DAB2IP: variants seen among roughly 807,000 people sequenced by gnomAD.
DAB2IP encodes the protein disabled homolog 2-interacting protein.
A neutral mutation model predicts 107.2 loss-of-function variants in DAB2IP; 28 were observed. That is an observed-to-expected ratio of 0.26 (90% CI 0.19 to 0.36). The LOEUF (loss-of-function observed/expected upper bound fraction) is 0.36. Among genes scored for constraint, DAB2IP ranks in the 10% least tolerant of loss-of-function variants. The probability of loss-of-function intolerance (pLI) is 1.00; values close to 1 mark genes in which losing one functional copy is unlikely to be tolerated. For missense variants in DAB2IP, 1,400 were observed against 1,644.7 expected (o/e 0.85, Z 2.57); for synonymous variants, 755 against 706.4 (o/e 1.07, Z -1.09).
chr9:121,686,618 C>G (rs1306281647), intron 2 of DAB2IP, among the ~76,000 whole-genome samples: 2 of 152,194 alleles, frequency 1.3e-5, no homozygotes, highest in East Asian at 1.9e-4. Flanking sequence ...GTCCCCCCAA[C>G]CCAGGGATGA....
chr9:121,580,937 A>G, intron 1 of DAB2IP, among the ~76,000 whole-genome samples: 1 of 152,100 alleles, frequency 6.6e-6, no homozygotes, highest in East Asian at 1.9e-4. Flanking sequence ...CCATCTAAGA[A>G]CTTTGAGTGA....
At chr9:121,722,818 A>G (rs1242262160) in intron 3 of DAB2IP, among the ~76,000 whole-genome samples, 3 of 152,204 alleles carry the variant, frequency 2.0e-5, no homozygotes, top group East Asian at 1.9e-4. Context: ...TCAAAACAAG[A>G]TAAGTTAAAA....
intron 1 of DAB2IP, among the ~76,000 whole-genome samples, chr9:121,570,986 C>A (rs1326773045): frequency 6.6e-6 from 1 of 152,006 alleles, no homozygotes; most frequent in Non-Finnish European, 1.5e-5. Context: ...TGATTGAACT[C>A]TTCCTCCTTC....
At chr9:121,706,866 C>T (rs1338257015) in intron 3 of DAB2IP, among the ~76,000 whole-genome samples, 1 of 152,214 alleles carries the variant, frequency 6.6e-6, no homozygotes, top group Non-Finnish European at 1.5e-5. Context: ...CAGCAGATAT[C>T]CCCTCTGGGC....
At chr9:121,751,990 G>A in intron 3 of DAB2IP, 1 of 985,498 alleles carries the variant, frequency 1.0e-6, no homozygotes, top group Non-Finnish European at 1.2e-6. Context: ...CAGGTAAAGG[G>A]TCTCTAGTCC....
At position 121,763,986 on chromosome 9, in the gene DAB2IP, G is replaced by A. The variant is rs865863985; in HGVS notation, c.1460+107G>A. The A allele has an allele frequency of 2.0e-5, 30 of 1,478,294 alleles. No homozygotes were observed. In the East Asian group the frequency reaches 2.5e-4, roughly 12 times the overall value. 91.6% of individuals were successfully genotyped at this position (1,478,294 alleles called of 1,614,324 possible). ...TGCTGCCTGGCCCCTGAGTTGTACT[G>A]ACTTGCCAGTCCCCTGGCCTAGTCC... On this transcript the variant is annotated intron_variant, in intron 8 of 15. Transcript: ENST00000408936.
intron 3 of DAB2IP, among the ~76,000 whole-genome samples, chr9:121,748,745 C>T (rs1286306293): frequency 6.6e-6 from 1 of 152,242 alleles, no homozygotes; most frequent in African/African-American, 2.4e-5. Context: ...CTATATTGGG[C>T]ACCACGGGAC....
At chr9:121,739,343 G>A (rs1465261964) in intron 3 of DAB2IP, among the ~76,000 whole-genome samples, 1 of 152,236 alleles carries the variant, frequency 6.6e-6, no homozygotes, top group Non-Finnish European at 1.5e-5. Flanking sequence ...AGGTCAGAGA[G>A]TAGGTAGGTC....
At chr9:121,771,142 G>A (rs1006135972) in intron 11 of DAB2IP, among the ~76,000 whole-genome samples, 1 of 152,158 alleles carries the variant, frequency 6.6e-6, no homozygotes, top group African/African-American at 2.4e-5. Context: ...TTAGTTGGGG[G>A]TGTTTTCAAT....
chr9:121,589,612 T>G (rs1830382623), intron 1 of DAB2IP, among the ~76,000 whole-genome samples: 1 of 152,072 alleles, frequency 6.6e-6, no homozygotes, highest in African/African-American at 2.4e-5. Flanking sequence ...GACCACCTGA[T>G]GACATTGTTA....
At chr9:121,620,065 T>G (rs1831409547) in intron 1 of DAB2IP, among the ~76,000 whole-genome samples, 1 of 152,166 alleles carries the variant, frequency 6.6e-6, no homozygotes. Context: ...ATCAAATCAC[T>G]TTTAGTGGTC....
intron 1 of DAB2IP, among the ~76,000 whole-genome samples, chr9:121,621,476 G>T (rs538730425): frequency 1.3e-5 from 2 of 152,056 alleles, no homozygotes; most frequent in African/African-American, 4.8e-5. Context: ...CCTTGCCTGT[G>T]TTTCTCAAAG....
chr9:121,584,172 T>C (rs973692173), intron 1 of DAB2IP, among the ~76,000 whole-genome samples: 12 of 152,232 alleles, frequency 7.9e-5, no homozygotes, highest in African/African-American at 2.9e-4. Flanking sequence ...AGTGAGACTC[T>C]GTTCAAAATA....
At position 121,715,297 on chromosome 9, in the gene DAB2IP, T is replaced by C. The variant is rs1830539734; in HGVS notation, c.362+15839T>C. 2.6e-5 allele frequency among the ~76,000 whole-genome samples: 4 copies of C among 152,206 alleles called. No homozygotes were observed. In the South Asian group the frequency reaches 8.3e-4, roughly 32 times the overall value. On this transcript the variant is annotated intron_variant, in intron 3 of 15. Transcript: ENST00000408936. Reference sequence around the variant, plus strand: ...CCTCTTTGCTTTCTTGGGTCTTTGCTTCCTTTTAATGACAGCGTGACTTGG... The same window carrying C: ...CCTCTTTGCTTTCTTGGGTCTTTGCCTCCTTTTAATGACAGCGTGACTTGG...
intron 11 of DAB2IP, among the ~76,000 whole-genome samples, chr9:121,771,195 A>G (rs1479339770): frequency 6.6e-6 from 1 of 152,234 alleles, no homozygotes; most frequent in Non-Finnish European, 1.5e-5. Context: ...TGGGAACAGC[A>G]GAAAACATAA....
chr9:121,644,885 C>G (rs74564173), intron 1 of DAB2IP, among the ~76,000 whole-genome samples: 1 of 152,216 alleles, frequency 6.6e-6, no homozygotes, highest in African/African-American at 2.4e-5. Context: ...CTACAGGGCC[C>G]GTTCAGCTGT....
chr9:121,595,190 C>T (rs934507301), intron 1 of DAB2IP, among the ~76,000 whole-genome samples: 3 of 151,888 alleles, frequency 2.0e-5, no homozygotes, highest in Non-Finnish European at 4.4e-5. Context: ...AACTGAAGTT[C>T]AGAGTAGGAC....
At chr9:121,761,939 G>A (rs781376283) in intron 6 of DAB2IP, among the ~76,000 whole-genome samples, 10 of 152,114 alleles carry the variant, frequency 6.6e-5, no homozygotes, top group Admixed American at 1.3e-4. Context: ...CCTGGGAAGC[G>A]GATTCCTCCC....
exon 1 of DAB2IP, chr9:121,567,185 C>A: frequency 1.2e-6 from 2 of 1,613,994 alleles, no homozygotes; most frequent in African/African-American, 1.3e-5. Context: ...GGGGCCCACA[C>A]GCCATGGAGC....
Sources: gnomAD v4.1 joint callset for allele counts (sites outside exome capture counted in the v4.1 genomes callset) on GRCh38, gnomAD v4.1.1 for gene constraint, MANE v1.5 for transcripts, NCBI Gene and HGNC (gene_info 2026-07-23, HGNC 2026-07-21) for gene names.